The following FBXL17 variants were observed in gnomAD, a reference collection of about 807,000 sequenced individuals.
The protein encoded by FBXL17 is F-box and leucine rich repeat protein 17.
In FBXL17, 22 loss-of-function variants were observed where a neutral mutation model predicts 66.2. The observed-to-expected ratio is 0.33, with a 90% CI of 0.24 to 0.47. The LOEUF (loss-of-function observed/expected upper bound fraction) is 0.47. Ranked by LOEUF, FBXL17 falls within the 20% of genes least tolerant of loss-of-function variation. The pLI is 1.00. For missense variants in FBXL17, 878 were observed against 948.2 expected (o/e 0.93, Z 0.97); for synonymous variants, 474 against 400.5 (o/e 1.18, Z -2.19).
At chr5:108,137,638 T>C (rs967458971) in intron 6 of FBXL17, among the ~76,000 whole-genome samples, 1 of 152,192 alleles carries the variant, frequency 6.6e-6, no homozygotes, top group African/African-American at 2.4e-5. Context: ...GAAAATGTAC[T>C]GTACTTGTGA....
chr5:108,239,131 C>T (rs73214535), intron 4 of FBXL17, among the ~76,000 whole-genome samples: 1,663 of 152,204 alleles, frequency 0.011, 36 homozygotes, highest in African/African-American at 0.038. Flanking sequence ...TCATACCTCA[C>T]TGTAGGAGGC....
At position 107,879,665 on chromosome 5, in the gene FBXL17, G is replaced by A. The variant is rs879073463; in HGVS notation, c.1965+1372C>T. The A allele has an allele frequency of 6.1e-6, 6 of 985,338 alleles. No individual in the cohort carries two copies. In the African/African-American group the frequency reaches 1.0e-4, roughly 17 times the overall value. 61.0% of individuals were successfully genotyped at this position (985,338 alleles called of 1,614,324 possible). A position where few individuals can be genotyped will look rare whatever the true frequency, so the allele number is the denominator to read the frequency against. On this transcript the variant is annotated intron_variant, in intron 8 of 8. Transcript: ENST00000542267. ...CCATACTTCATTTGCCCCCACATTTGCTACATTTAGAAGATGCATGCCCTT... is the reference window on the plus strand; with the variant it reads ...CCATACTTCATTTGCCCCCACATTTACTACATTTAGAAGATGCATGCCCTT...
rs144168896 is a variant in FBXL17 at position 108,042,403 on chromosome 5, C to T, written c.1746-21402G>A. On this transcript the variant is annotated intron_variant, in intron 6 of 8. Transcript: ENST00000542267. The stretch of plus-strand genomic sequence containing the variant: ...TTCTTCATGGTGTCCTTCTATATCC[C>T]ACCCATTTTCCTCCCACCCCTACAT... Among the ~76,000 whole-genome samples the T allele has an allele frequency of 6.8e-4, 104 of 152,214 alleles. 2 individuals are homozygous for T. The Middle Eastern group carries it at 0.014, about 20-fold the overall frequency.
chr5:108,123,969 T>G (rs922001473), intron 6 of FBXL17, among the ~76,000 whole-genome samples: 12 of 152,116 alleles, frequency 7.9e-5, no homozygotes, highest in Admixed American at 7.9e-4. Flanking sequence ...AGCATTCTTT[T>G]TGAGAATATA....
At chr5:107,875,975 A>T (rs902458518) in intron 8 of FBXL17, among the ~76,000 whole-genome samples, 3 of 152,168 alleles carry the variant, frequency 2.0e-5, no homozygotes, top group Admixed American at 2.0e-4. Context: ...GTGTAATTCT[A>T]ATTTATGTCA....
chr5:108,380,695 C>G lies in FBXL17; in HGVS notation c.993+4G>C. 8.0e-7 allele frequency: 1 copy of G among 1,248,742 alleles called. No individual in the cohort carries two copies. Among genetic ancestry groups the G allele is most frequent in the Non-Finnish European group, 1.0e-6 (1 of 988,614 alleles). The allele number at this position is 1,248,742 out of a possible 1,614,324, so 77.4% of individuals were successfully genotyped here. The stretch of plus-strand genomic sequence containing the variant: ...GCATCCCTGCGCCTCTCGCCCAGAC[C>G]CACCTTGAGCAGGATGGACGGCGGC... On this transcript the variant is annotated splice_donor_region_variant and intron_variant, in intron 1 of 8. Coordinates refer to ENST00000542267, the MANE Select transcript of FBXL17 (RefSeq NM_001163315.3).
chr5:108,249,193 C>G (rs1187389890), intron 4 of FBXL17, among the ~76,000 whole-genome samples: 2 of 151,996 alleles, frequency 1.3e-5, no homozygotes, highest in African/African-American at 2.4e-5. Flanking sequence ...CTAATCATTC[C>G]TTGGCCTAGA....
At chr5:108,129,793 A>T (rs1174341884) in intron 6 of FBXL17, among the ~76,000 whole-genome samples, 1 of 151,752 alleles carries the variant, frequency 6.6e-6, no homozygotes, top group African/African-American at 2.4e-5. Flanking sequence ...AAAAAAAATT[A>T]TTGGCAGGTA....
chr5:108,026,991 T>A (rs57486712), intron 6 of FBXL17, among the ~76,000 whole-genome samples: 6,883 of 152,232 alleles, frequency 0.045, 540 homozygotes, highest in African/African-American at 0.16. Context: ...TGATTCTTTC[T>A]GGACCACTCT....
chr5:107,861,918 C>T, intron 8 of FBXL17, 58 bp from the exon 9 acceptor site: 2 of 1,405,526 alleles, frequency 1.4e-6, no homozygotes, highest in Admixed American at 2.4e-5. Flanking sequence ...ACGCCGCTGC[C>T]CACGCTCACT....
intron 1 of FBXL17, among the ~76,000 whole-genome samples, chr5:108,373,815 G>A (rs1368475611): frequency 6.6e-6 from 1 of 152,182 alleles, no homozygotes. Context: ...CTACATGGGA[G>A]GCTGAGGTTG....
intron 7 of FBXL17, among the ~76,000 whole-genome samples, chr5:107,993,510 C>T (rs73204796): frequency 0.12 from 18,164 of 152,128 alleles, 1,341 homozygotes; most frequent in East Asian, 0.2. Context: ...AGTTGAATGT[C>T]AGTGAAGCTT....
At chr5:108,138,234 G>A (rs1751218641) in intron 6 of FBXL17, among the ~76,000 whole-genome samples, 1 of 152,156 alleles carries the variant, frequency 6.6e-6, no homozygotes, top group African/African-American at 2.4e-5. Context: ...GACTACAAAT[G>A]TCAAGATTAC....
chr5:108,107,974 C>A (rs951779674), intron 6 of FBXL17, among the ~76,000 whole-genome samples: 3 of 152,098 alleles, frequency 2.0e-5, no homozygotes, highest in Non-Finnish European at 4.4e-5. Context: ...CGCACCCCAA[C>A]CTTATTTGCT....
chr5:108,205,093 T>C (rs1055737096), intron 5 of FBXL17, among the ~76,000 whole-genome samples: 2 of 151,734 alleles, frequency 1.3e-5, no homozygotes, highest in Admixed American at 1.3e-4. Context: ...ATTTTTTTTT[T>C]AGAAACAGGG....
chr5:108,266,773 G>A (rs997031486), intron 4 of FBXL17, among the ~76,000 whole-genome samples: 18 of 152,106 alleles, frequency 1.2e-4, no homozygotes, highest in Admixed American at 1.2e-3. Context: ...AGCAAAATTT[G>A]TGGCTACAGT....
rs540917940 is a variant in FBXL17 at position 107,989,797 on chromosome 5, C to T, written c.1822+31128G>A. On this transcript the variant is annotated intron_variant, in intron 7 of 8. Coordinates refer to ENST00000542267, the MANE Select transcript of FBXL17 (RefSeq NM_001163315.3). ...GAACATCTAAATAAGGGTGTATTTGCAGCTTGTAATATTTCTACATAAATA... is the reference window on the plus strand; with the variant it reads ...GAACATCTAAATAAGGGTGTATTTGTAGCTTGTAATATTTCTACATAAATA... 2.6e-5 allele frequency among the ~76,000 whole-genome samples: 4 copies of T among 152,164 alleles called. No homozygotes were observed. In the South Asian group the frequency reaches 8.3e-4, roughly 32 times the overall value.
At chr5:107,868,473 G>A (rs911599763) in intron 8 of FBXL17, among the ~76,000 whole-genome samples, 4 of 152,220 alleles carry the variant, frequency 2.6e-5, no homozygotes, top group African/African-American at 7.2e-5. Context: ...ATGGAAATGC[G>A]ATGAAGCTGC....
At chr5:108,108,748 G>A (rs1395445248) in intron 6 of FBXL17, among the ~76,000 whole-genome samples, 1 of 144,662 alleles carries the variant, frequency 6.9e-6, no homozygotes, top group African/African-American at 2.5e-5. Context: ...CCCATTATAT[G>A]TTTCCCCAGT....
Sources: allele counts gnomAD v4.1 joint callset (sites outside exome capture counted in the v4.1 genomes callset), GRCh38; gene constraint gnomAD v4.1.1; transcripts MANE v1.5; gene names NCBI Gene and HGNC (gene_info 2026-07-23, HGNC 2026-07-21).